Variants in CAPN2 observed in about 807,000 individuals in gnomAD.
CAPN2 encodes the protein calpain-2 catalytic subunit.
In CAPN2, 92 loss-of-function variants were observed where a neutral mutation model predicts 102.3. The observed-to-expected ratio is 0.90, with a 90% CI of 0.76 to 1.07. The LOEUF (loss-of-function observed/expected upper bound fraction) is 1.07. Ranked by LOEUF, CAPN2 falls within the 50% of genes least tolerant of loss-of-function variation. The probability of loss-of-function intolerance (pLI) is 0.00; values close to 1 mark genes in which losing one functional copy is unlikely to be tolerated. For missense variants in CAPN2, 800 were observed against 909.4 expected (o/e 0.88, Z 1.55); for synonymous variants, 340 against 355.4 (o/e 0.96, Z 0.49).
At chr1:223,724,344 A>G (rs1295558398) in intron 2 of CAPN2, among the ~76,000 whole-genome samples, 1 of 152,142 alleles carries the variant, frequency 6.6e-6, no homozygotes, top group African/African-American at 2.4e-5. Context: ...ATTGAGCCCC[A>G]GGAGGAGGTG....
chr1:223,712,808 G>A lies in CAPN2; in HGVS notation c.168G>A (p.Ser56=). ...FQDPSFPAIP[S]ALGFKELGPY... is the part of the protein sequence containing the mutation. ...ACCCGTCCTTCCCGGCCATCCCCTCGGCCCTGGGCTTCAAGGAGTTGGGGC... is the reference window on the plus strand; with the variant it reads ...ACCCGTCCTTCCCGGCCATCCCCTCAGCCCTGGGCTTCAAGGAGTTGGGGC... The change falls in exon 1 of 21, where the codon TCG becomes TCA. Residue 56 remains serine, a synonymous_variant. Transcript: ENST00000295006. 1 of 1,576,744 alleles carries A rather than the reference G, an allele frequency of 6.3e-7. No individual in the cohort carries two copies. The highest frequency in any genetic ancestry group is 8.6e-7 in the Non-Finnish European group (1 of 1,164,200).
upstream of CAPN2, among the ~76,000 whole-genome samples, chr1:223,711,038 A>T (rs1659715847): frequency 6.6e-6 from 1 of 152,130 alleles, no homozygotes. Flanking sequence ...CCTGTTTCAG[A>T]TTTTCTGGGT....
rs1395604623 is a variant in CAPN2 at position 223,759,066 on chromosome 1, T to G, written c.1318-204T>G. 6 of 595,170 alleles carry G rather than the reference T, an allele frequency of 1.0e-5. No individual in the cohort carries two copies. The highest frequency in any genetic ancestry group is 1.8e-5 in the Non-Finnish European group (6 of 332,378). 36.9% of individuals were successfully genotyped at this position (595,170 alleles called of 1,614,324 possible). A position where few individuals can be genotyped will look rare whatever the true frequency, so the allele number is the denominator to read the frequency against. The stretch of plus-strand genomic sequence containing the variant: ...TTTTTTTAAAAAAATTTTGTTGTTT[T>G]GTTGTTGTTGTCGTCGTTATATAGA... On this transcript the variant is annotated intron_variant, in intron 11 of 20. Transcript: ENST00000295006. The surrounding 1 kb of genome is among the most constrained non-coding windows in gnomAD (Gnocchi z 4.6).
intron 1 of CAPN2, among the ~76,000 whole-genome samples, chr1:223,715,093 T>G (rs1200899468): frequency 6.6e-6 from 1 of 152,146 alleles, no homozygotes; most frequent in Non-Finnish European, 1.5e-5. Context: ...AGCCTACCCC[T>G]TATGGCTGCG....
chr1:223,717,807 A>G lies in CAPN2; in HGVS notation c.283A>G (p.Thr95Ala), dbSNP rs773804764. 6 of 1,614,096 alleles carry G rather than the reference A, an allele frequency of 3.7e-6. No homozygotes were observed. The South Asian group carries it at 4.4e-5, about 12-fold the overall frequency. Residue 95 changes from threonine to alanine, a missense_variant, in exon 2 of 21, where the codon ACA becomes GCA. Coordinates refer to ENST00000295006, the MANE Select transcript of CAPN2 (RefSeq NM_001748.5). ...PQFIIGGATR[T>A]DICQGALGDC... is the part of the protein sequence containing the mutation. ...GTTTATCATTGGAGGAGCCACCCGCACAGACATCTGCCAAGGAGCCCTGGG... is the reference window on the plus strand; with the variant it reads ...GTTTATCATTGGAGGAGCCACCCGCGCAGACATCTGCCAAGGAGCCCTGGG...
chr1:223,769,233 C>G (rs187951455), intron 16 of CAPN2, among the ~76,000 whole-genome samples: 15 of 152,154 alleles, frequency 9.9e-5, no homozygotes, highest in Admixed American at 4.6e-4. Context: ...GATTCTCCCC[C>G]CTCCAGCCTC....
chr1:223,730,343 T>G (rs1200549943), intron 2 of CAPN2, among the ~76,000 whole-genome samples: 4 of 151,818 alleles, frequency 2.6e-5, no homozygotes, highest in South Asian at 2.1e-4. Context: ...TATGAGATTT[T>G]TTTTTTTTTT....
chr1:223,718,998 A>G (rs1025062838), intron 2 of CAPN2, among the ~76,000 whole-genome samples: 1 of 150,030 alleles, frequency 6.7e-6, no homozygotes, highest in Admixed American at 6.6e-5. Flanking sequence ...TCATTAGGAC[A>G]GACAGACTGT....
chr1:223,760,174 C>T (rs559912536), intron 12 of CAPN2, among the ~76,000 whole-genome samples: 2 of 152,306 alleles, frequency 1.3e-5, no homozygotes, highest in Non-Finnish European at 2.9e-5. Context: ...TTGGAGACTC[C>T]AGAACTGATG....
rs1660212956 is a variant in CAPN2, at chr1:223,727,125, T to G, written c.307+9294T>G. ...ACAGGGTGTCAGGTCTGCTGGAGAT[T>G]GTTAAAATGCTGTTGTCTCAGGAAG... On this transcript the variant is annotated intron_variant, in intron 2 of 20. Coordinates refer to ENST00000295006, the MANE Select transcript of CAPN2 (RefSeq NM_001748.5). This position sits in a 1 kb window ranked among gnomAD's most constrained non-coding sequence, Gnocchi z 4.1. Among the ~76,000 whole-genome samples the G allele has an allele frequency of 7.6e-6, 1 of 130,938 alleles. No individual in the cohort carries two copies. 85.9% of individuals were successfully genotyped at this position (130,938 alleles called of 152,430 possible).
At position 223,759,305 on chromosome 1, in the gene CAPN2, C is replaced by G. The variant is rs929071368; in HGVS notation, c.1353C>G (p.Asn451Lys). ...SGQTNIHLSK[N>K]FFLTNRARER... ...AGACCAACATCCACCTCAGCAAAAA[C>G]TTCTTCCTGACGAATCGCGCCAGGG... The change falls in exon 12 of 21, where the codon AAC becomes AAG. Residue 451 changes from asparagine (N) to lysine (K), a missense_variant. Asn to Lys is a moderately conservative substitution (Grantham distance 94). Coordinates refer to ENST00000295006, the MANE Select transcript of CAPN2 (RefSeq NM_001748.5). This position sits in a 1 kb window ranked among gnomAD's most constrained non-coding sequence, Gnocchi z 4.6. The G allele has an allele frequency of 2.2e-5, 35 of 1,614,124 alleles. No homozygotes were observed. The African/African-American group carries it at 4.3e-4, about 20-fold the overall frequency.
At chr1:223,772,989 G>C (rs746445089) in intron 20 of CAPN2, 2 of 152,240 alleles carry the variant, frequency 1.3e-5, no homozygotes, top group Non-Finnish European at 2.9e-5. Flanking sequence ...CACTGGGTGA[G>C]AATGGCAGTT....
At chr1:223,768,561 C>A (rs1238707510) in intron 16 of CAPN2, among the ~76,000 whole-genome samples, 1 of 151,930 alleles carries the variant, frequency 6.6e-6, no homozygotes, top group Non-Finnish European at 1.5e-5. Flanking sequence ...TGTTTTGGTA[C>A]CAGTACCATG....
chr1:223,762,383 G>C (rs1661211362), intron 14 of CAPN2, 132 bp downstream of exon 14: 1 of 717,440 alleles, frequency 1.4e-6, no homozygotes, highest in Admixed American at 2.2e-5. Flanking sequence ...AATTGCAAAT[G>C]GCACTTGGGT....
intron 2 of CAPN2, among the ~76,000 whole-genome samples, chr1:223,740,039 T>C (rs1323628178): frequency 1.3e-5 from 2 of 152,152 alleles, no homozygotes; most frequent in African/African-American, 4.8e-5. Flanking sequence ...TCATAAATTA[T>C]TTTACGTAAG....
At position 223,727,754 on chromosome 1, in the gene CAPN2, T is replaced by C. The variant is rs1031908601; in HGVS notation, c.307+9923T>C. On this transcript the variant is annotated intron_variant, in intron 2 of 20. Coordinates refer to ENST00000295006, the MANE Select transcript of CAPN2 (RefSeq NM_001748.5). The surrounding 1 kb of genome is among the most constrained non-coding windows in gnomAD (Gnocchi z 4.1). Reference sequence around the variant, plus strand: ...AGCATTGCTGGGATATTTGAGCCTGTGGGAGGGGAGCTTCAAGCTTCCCAC... The same window carrying C: ...AGCATTGCTGGGATATTTGAGCCTGCGGGAGGGGAGCTTCAAGCTTCCCAC... Among the ~76,000 whole-genome samples the C allele has an allele frequency of 7.2e-5, 11 of 152,096 alleles. No individual in the cohort carries two copies. The highest frequency in any genetic ancestry group is 2.2e-4 in the African/African-American group (9 of 41,388).
Position 223,755,372 on chromosome 1 carries a change from C to T in CAPN2, c.1136-108C>T. 9.1e-7 allele frequency: 1 copy of T among 1,103,138 alleles called. No individual in the cohort carries two copies. The highest frequency in any genetic ancestry group is 1.3e-6 in the Non-Finnish European group (1 of 752,442). The allele number at this position is 1,103,138 out of a possible 1,614,324, so 68.3% of individuals were successfully genotyped here. ...TCTCCCACCACCTCCCACCATCTCC[C>T]TTTATCTCCATCCCTCTCAGAAGCC... is the stretch of plus-strand genomic sequence containing the variant. On this transcript the variant is annotated intron_variant, in intron 9 of 20. Transcript: ENST00000295006. The surrounding 1 kb of genome is among the most constrained non-coding windows in gnomAD (Gnocchi z 4.1).
At chr1:223,737,197 G>C (rs539585165) in intron 2 of CAPN2, among the ~76,000 whole-genome samples, 1 of 152,246 alleles carries the variant, frequency 6.6e-6, no homozygotes, top group South Asian at 2.1e-4. Flanking sequence ...TTCTGGAGAG[G>C]AAGCAAGGCA....
At chr1:223,737,739 C>A (rs1660501969) in intron 2 of CAPN2, among the ~76,000 whole-genome samples, 1 of 139,526 alleles carries the variant, frequency 7.2e-6, no homozygotes, top group Non-Finnish European at 1.5e-5. Context: ...ACAATAACAC[C>A]ATGTACTGTA....
Sources: allele counts gnomAD v4.1 joint callset (sites outside exome capture counted in the v4.1 genomes callset), GRCh38; gene constraint gnomAD v4.1.1; non-coding constraint Gnocchi (gnomAD v3.1); transcripts MANE v1.5; gene names NCBI Gene and HGNC (gene_info 2026-07-23, HGNC 2026-07-21).